SLC16A4: variants seen among roughly 807,000 people sequenced by gnomAD.
SLC16A4 encodes the protein solute carrier family 16 member 4.
A neutral mutation model predicts 47.9 loss-of-function variants in SLC16A4; 39 were observed. That is an observed-to-expected ratio of 0.81 (90% confidence interval 0.63 to 1.06). The LOEUF (loss-of-function observed/expected upper bound fraction) is 1.06, where lower values mean the gene tolerates loss of function less well. Ranked by LOEUF, SLC16A4 falls within the 50% of genes least tolerant of loss-of-function variation. The pLI is 0.00. For synonymous variants in SLC16A4, 189 were observed against 199.9 expected, an observed-to-expected ratio of 0.95 and a Z score of 0.46; for missense variants, 524 against 573.8, an observed-to-expected ratio of 0.91 and a Z score of 0.89.
chr1:110,370,653 C>G (rs945155806), intron 8 of SLC16A4: 1 of 152,070 alleles, frequency 6.6e-6, no homozygotes, highest in Non-Finnish European at 1.5e-5. Context: ...CTGATGAGAT[C>G]GGTAAATAAT....
At chr1:110,372,055 A>T (rs951923237) in intron 8 of SLC16A4, 6 of 152,096 alleles carry the variant, frequency 3.9e-5, no homozygotes, top group Admixed American at 2.6e-4. Context: ...GGTTCTATGA[A>T]TTTCTTGTGC....
intron 7 of SLC16A4, 135 bp downstream of exon 7, chr1:110,376,815 C>T: frequency 2.8e-6 from 2 of 720,626 alleles, no homozygotes; most frequent in Non-Finnish European, 4.5e-6. Flanking sequence ...CAGGATATAG[C>T]TGCAGAGTTT....
chr1:110,387,947 A>T (rs1403652300), intron 2 of SLC16A4, among the ~76,000 whole-genome samples: 3 of 118,452 alleles, frequency 2.5e-5, no homozygotes, highest in Non-Finnish European at 5.5e-5. Flanking sequence ...GTCTAGCACG[A>T]GGGAGGAGGC....
At chr1:110,364,554 G>T (rs960354569) in intron 8 of SLC16A4, among the ~76,000 whole-genome samples, 1 of 145,856 alleles carries the variant, frequency 6.9e-6, no homozygotes, top group Non-Finnish European at 1.5e-5. Context: ...CCAGGTTGGA[G>T]TGGTGTAGTG....
intron 7 of SLC16A4, 99 bp downstream of exon 7, chr1:110,376,851 A>G: frequency 9.9e-7 from 1 of 1,012,076 alleles, no homozygotes; most frequent in Non-Finnish European, 1.4e-6. Flanking sequence ...TGATTTTTTA[A>G]GTTACAAAAT....
chr1:110,387,185 G>A (rs903941438), intron 2 of SLC16A4, among the ~76,000 whole-genome samples: 5 of 152,092 alleles, frequency 3.3e-5, no homozygotes, highest in African/African-American at 7.2e-5. Flanking sequence ...TATGTTCCAG[G>A]CTGTATACTG....
chr1:110,374,101 G>A (rs561018471), intron 8 of SLC16A4, among the ~76,000 whole-genome samples: 4 of 151,612 alleles, frequency 2.6e-5, no homozygotes, highest in Admixed American at 6.6e-5. Flanking sequence ...GTGGTGCAAA[G>A]TGAAGTCGGC....
Position 110,390,961 on chromosome 1 carries a change from A to AAG in SLC16A4, c.-131_-130dup, listed in dbSNP as rs1463567635. Reference sequence around the variant, plus strand: ...TTTTCTGGAATGTTACTCTTTTTCTAAGGCATTTCATTTTGCTGCATTGTG... The same window carrying AAG: ...TTTTCTGGAATGTTACTCTTTTTCTAAGAGGCATTTCATTTTGCTGCATTGTG... On this transcript the variant is annotated 5_prime_UTR_variant, in exon 1 of 9. An upstream open reading frame in the 5' UTR loses its in-frame stop. Coordinates refer to ENST00000369779, the MANE Select transcript of SLC16A4 (RefSeq NM_004696.3). 1 of 152,248 alleles carries AAG rather than the reference A, an allele frequency of 6.6e-6. No homozygotes were observed. Among genetic ancestry groups the AAG allele is most frequent in the Non-Finnish European group, 1.5e-5 (1 of 68,046 alleles). The allele number at this position is 152,248 out of a possible 1,614,324, so 9.4% of individuals were successfully genotyped here.
intron 8 of SLC16A4, among the ~76,000 whole-genome samples, chr1:110,365,667 G>C (rs1661340429): frequency 6.6e-6 from 1 of 152,170 alleles, no homozygotes; most frequent in African/African-American, 2.4e-5. Context: ...TAGAAAGGAA[G>C]GAGTATAGAA....
chr1:110,387,014 A>G (rs11102096), intron 2 of SLC16A4, among the ~76,000 whole-genome samples: 63,028 of 151,952 alleles, frequency 0.41, 13,663 homozygotes, highest in Non-Finnish European at 0.5. Context: ...ATCCCTGCTT[A>G]ATTTTTCTCA....
intron 7 of SLC16A4, 141 bp downstream of exon 7, chr1:110,376,809 A>C: frequency 1.5e-6 from 1 of 668,698 alleles, no homozygotes; most frequent in Non-Finnish European, 2.5e-6. Flanking sequence ...ACTGGACAGG[A>C]TATAGCTGCA....
chr1:110,384,256 C>G (rs1473371176), intron 2 of SLC16A4, among the ~76,000 whole-genome samples: 2 of 152,178 alleles, frequency 1.3e-5, no homozygotes, highest in Non-Finnish European at 2.9e-5. Flanking sequence ...TGCTGCTGAG[C>G]TGAGTACCTT....
chr1:110,386,924 T>C (rs1662765920), intron 2 of SLC16A4, among the ~76,000 whole-genome samples: 3 of 152,262 alleles, frequency 2.0e-5, no homozygotes, highest in Admixed American at 1.3e-4. Flanking sequence ...GCTAAACCAA[T>C]AGAGTCTTGT....
intron 8 of SLC16A4, among the ~76,000 whole-genome samples, chr1:110,364,842 G>T (rs923454780): frequency 6.6e-6 from 1 of 151,876 alleles, no homozygotes; most frequent in African/African-American, 2.4e-5. Flanking sequence ...AAGTTGGAGG[G>T]TCTTCAAAGT....
chr1:110,387,946 G>C (rs747366223), intron 2 of SLC16A4, among the ~76,000 whole-genome samples: 1 of 116,336 alleles, frequency 8.6e-6, no homozygotes, highest in African/African-American at 3.3e-5. Context: ...TGTCTAGCAC[G>C]AGGGAGGAGG....
At chr1:110,381,834 T>TG in intron 3 of SLC16A4, 39 bp from the exon 4 acceptor site, 1 of 1,582,204 alleles carries the variant, frequency 6.3e-7, no homozygotes, top group Non-Finnish European at 8.6e-7. Flanking sequence ...AGGTAAATAA[T>TG]GATCTGGCAT....
In SLC16A4 at chr1:110,379,148, A is replaced by G. The variant is rs755210927; in HGVS notation, c.735T>C (p.Ala245=). 1.2e-6 allele frequency: 2 copies of G among 1,614,134 alleles called. No individual in the cohort carries two copies. The highest frequency in any genetic ancestry group is 1.7e-5 in the Admixed American group (1 of 60,012). The change falls in exon 6 of 9, where the codon GCT becomes GCC. Residue 245 remains alanine (A), a synonymous_variant. Coordinates refer to ENST00000369779, the MANE Select transcript of SLC16A4 (RefSeq NM_004696.3). ...STIKDSTTQK[A]GLPSKNLTVS... The stretch of plus-strand genomic sequence containing the variant: ...CTGTTAAATTTTTGCTAGGTAGTCC[A>G]GCCTTCTGCGTAGTACTGTCCTTGA...
In SLC16A4 at chr1:110,363,709, G is replaced by C. The variant is rs949578659; in HGVS notation, c.*57C>G. The C allele has an allele frequency of 6.9e-7, 1 of 1,453,340 alleles. No homozygotes were observed. Among genetic ancestry groups the C allele is most frequent in the Non-Finnish European group, 9.2e-7 (1 of 1,090,492 alleles). 90.0% of individuals were successfully genotyped at this position (1,453,340 alleles called of 1,614,324 possible). A position where few individuals can be genotyped will look rare whatever the true frequency, so the allele number is the denominator to read the frequency against. On this transcript the variant is annotated 3_prime_UTR_variant, in exon 9 of 9. Coordinates refer to ENST00000369779, the MANE Select transcript of SLC16A4 (RefSeq NM_004696.3). ...TTTCTTTCAAGCTTTTGTTTCCAAT[G>C]ACATTAGTTTAGGTTTTCTTTTGTT... is the stretch of plus-strand genomic sequence containing the variant.
At chr1:110,376,905 C>A (rs749870038) in intron 7 of SLC16A4, 45 bp downstream of exon 7, 11 of 1,490,874 alleles carry the variant, frequency 7.4e-6, no homozygotes, top group South Asian at 1.2e-5. Context: ...CTGATACTTG[C>A]TTTTACTAAA....
Sources: allele counts gnomAD v4.1 joint callset (sites outside exome capture counted in the v4.1 genomes callset), GRCh38; gene constraint gnomAD v4.1.1; transcripts MANE v1.5; gene names NCBI Gene and HGNC (gene_info 2026-07-23, HGNC 2026-07-21).